The following FTCDNL1 variants were observed in gnomAD, a reference collection of about 807,000 sequenced individuals.
FTCDNL1 encodes formiminotransferase cyclodeaminase N-terminal like.
Under a neutral mutation model 5.9 loss-of-function variants are expected in FTCDNL1, and 11 were observed. The ratio of observed to expected loss-of-function variants is 1.87; its 90% CI spans 1.18 to 3.10. The LOEUF (loss-of-function observed/expected upper bound fraction) is 3.10. Ranked by LOEUF, FTCDNL1 falls within the 30% of genes most tolerant of loss-of-function variation. FTCDNL1 has a pLI of 0.00. For missense variants in FTCDNL1, 115 were observed against 65.5 expected (o/e 1.76, Z -2.61); for synonymous variants, 58 against 24.8 (o/e 2.34, Z -3.99).
At position 199,785,081 on chromosome 2, in the gene FTCDNL1, C is replaced by T. The variant is rs532636128; in HGVS notation, c.212-24246G>A. Among the ~76,000 whole-genome samples the T allele has an allele frequency of 3.2e-4, 49 of 152,122 alleles. 1 individual carries two copies. Among genetic ancestry groups the T allele is most frequent in the African/African-American group, 1.0e-3 (43 of 41,502 alleles). On this transcript the variant is annotated intron_variant, in intron 3 of 3. Transcript: ENST00000416668. ...AGTTAACAAGGTTTGTTGCTCACCC[C>T]GTTTGCTCTTTCATCTTCCCTAACT...
chr2:199,762,379 CA>C (rs916908586), intron 3 of FTCDNL1, among the ~76,000 whole-genome samples: 6 of 151,490 alleles, frequency 4.0e-5, no homozygotes, highest in Non-Finnish European at 8.8e-5. Flanking sequence ...AACTCTGTCT[CA>C]AAAAAAACAG....
intron 3 of FTCDNL1, among the ~76,000 whole-genome samples, chr2:199,833,672 AATGCTTTGC>A (rs1179181382): frequency 6.6e-6 from 1 of 152,150 alleles, no homozygotes; most frequent in East Asian, 1.9e-4. Flanking sequence ...AGGACAAACA[AATGCTTTGC>A]ATGAGTTACT....
the FTCDNL1 span, among the ~76,000 whole-genome samples, chr2:199,672,422 A>C: frequency 6.6e-6 from 1 of 152,370 alleles, no homozygotes; most frequent in African/African-American, 2.4e-5. Flanking sequence ...GGCTGATTTT[A>C]GAGATGATAA....
At chr2:199,748,403 G>A in the FTCDNL1 span, among the ~76,000 whole-genome samples, 2 of 152,134 alleles carry the variant, frequency 1.3e-5, no homozygotes, top group African/African-American at 4.8e-5. Context: ...ATGTCCATGG[G>A]GAAGTCTTAC....
At chr2:199,833,212 T>C (rs1702491031) in intron 3 of FTCDNL1, among the ~76,000 whole-genome samples, 1 of 152,148 alleles carries the variant, frequency 6.6e-6, no homozygotes. Flanking sequence ...GCTCAAGCAA[T>C]CCACCTGCCT....
the FTCDNL1 span, among the ~76,000 whole-genome samples, chr2:199,694,676 A>T: frequency 6.6e-6 from 1 of 152,114 alleles, no homozygotes; most frequent in Non-Finnish European, 1.5e-5. Flanking sequence ...AAAATAAAAA[A>T]TTAAAAAACT....
At chr2:199,832,611 C>A (rs191833990) in intron 3 of FTCDNL1, among the ~76,000 whole-genome samples, 3 of 152,284 alleles carry the variant, frequency 2.0e-5, no homozygotes, top group Admixed American at 2.0e-4. Context: ...TAACATCTTG[C>A]TGTGCAATCC....
the FTCDNL1 span, among the ~76,000 whole-genome samples, chr2:199,684,025 T>C: frequency 6.6e-6 from 1 of 152,256 alleles, no homozygotes; most frequent in African/African-American, 2.4e-5. Context: ...CAGTGGCCTA[T>C]GTGTGCTTAA....
the FTCDNL1 span, among the ~76,000 whole-genome samples, chr2:199,701,791 T>C: frequency 6.6e-6 from 1 of 152,246 alleles, no homozygotes; most frequent in African/African-American, 2.4e-5. Flanking sequence ...TCCCAACACT[T>C]TGGGAGGCCA....
chr2:199,759,056 C>T (rs753096947), downstream of FTCDNL1, among the ~76,000 whole-genome samples: 5 of 152,012 alleles, frequency 3.3e-5, no homozygotes, highest in Non-Finnish European at 5.9e-5. Context: ...CAAAGCCATA[C>T]ATTTCTAAAT....
the FTCDNL1 span, among the ~76,000 whole-genome samples, chr2:199,751,394 G>A: frequency 1.3e-5 from 2 of 152,196 alleles, no homozygotes; most frequent in Admixed American, 6.5e-5. Flanking sequence ...CAAAAGAGAA[G>A]AGGACAAGAC....
the FTCDNL1 span, among the ~76,000 whole-genome samples, chr2:199,750,073 G>A: frequency 6.6e-6 from 1 of 151,474 alleles, no homozygotes; most frequent in Non-Finnish European, 1.5e-5. Flanking sequence ...TAAAAAATAG[G>A]CTGAGTGCAG....
At chr2:199,808,156 TC>T (rs1328280166), downstream of FTCDNL1, among the ~76,000 whole-genome samples, 1 of 152,096 alleles carries the variant, frequency 6.6e-6, no homozygotes, top group Non-Finnish European at 1.5e-5. Context: ...TCCTGAGGCC[TC>T]CCCAGAAGCC....
chr2:199,822,086 C>A (rs1219805780), intron 3 of FTCDNL1, among the ~76,000 whole-genome samples: 1 of 152,028 alleles, frequency 6.6e-6, no homozygotes, highest in Non-Finnish European at 1.5e-5. Context: ...TCTGCAGAAA[C>A]CAATATATAT....
rs755226215 is a variant in FTCDNL1, at chr2:199,811,257, T to C, written c.*1448A>G. ...AGTTTTAACATTGCACAGAGTATAA[T>C]TGGAATTTTTGTCAATCTTAATGTT... is the stretch of plus-strand genomic sequence containing the variant. On this transcript the variant is annotated 3_prime_UTR_variant, in exon 5 of 5. Transcript: ENST00000420128. Among the ~76,000 whole-genome samples the C allele has an allele frequency of 6.6e-5, 10 of 152,262 alleles. No individual in the cohort carries two copies. The highest frequency in any genetic ancestry group is 6.3e-3 in the Middle Eastern group (2 of 316).
the FTCDNL1 span, among the ~76,000 whole-genome samples, chr2:199,691,380 T>C: frequency 5.3e-5 from 8 of 152,060 alleles, no homozygotes; most frequent in Non-Finnish European, 1.0e-4. Flanking sequence ...TCCATGTTGG[T>C]CAGGCTGGTC....
Position 199,850,737 on chromosome 2 carries a change from C to T in FTCDNL1, c.-8+3G>A, listed in dbSNP as rs2106635236. On this transcript the variant is annotated splice_donor_region_variant and intron_variant, in intron 1 of 4. Transcript: ENST00000420128. ...CTAGCAAGTGCAAAGTGCAGCAGTT[C>T]ACCTGCCCCCTGCGCACGCACCCCA... 1 of 152,448 alleles carries T rather than the reference C, an allele frequency of 6.6e-6. No individual in the cohort carries two copies. Among genetic ancestry groups the T allele is most frequent in the African/African-American group, 2.4e-5 (1 of 41,592 alleles). 9.4% of individuals were successfully genotyped at this position (152,448 alleles called of 1,614,324 possible).
At chr2:199,779,089 T>A (rs1477454502) in intron 3 of FTCDNL1, among the ~76,000 whole-genome samples, 1 of 152,232 alleles carries the variant, frequency 6.6e-6, no homozygotes, top group Non-Finnish European at 1.5e-5. Context: ...AAATAAAGAC[T>A]TAAAAGTCCT....
chr2:199,823,167 C>A (rs540234069), intron 3 of FTCDNL1, among the ~76,000 whole-genome samples: 1 of 152,196 alleles, frequency 6.6e-6, no homozygotes, highest in East Asian at 1.9e-4. Context: ...AGTTTTATCA[C>A]GAGATTTCAG....
Sources: allele counts gnomAD v4.1 joint callset (sites outside exome capture counted in the v4.1 genomes callset), GRCh38; gene constraint gnomAD v4.1.1; transcripts MANE v1.5; gene names NCBI Gene and HGNC (gene_info 2026-07-23, HGNC 2026-07-21).